The following WDR70 variants were observed in gnomAD, a reference collection of about 807,000 sequenced individuals.
WDR70 encodes the protein WD repeat domain 70, also known as WD repeat-containing protein 70.
Under a neutral mutation model 88.6 loss-of-function variants are expected in WDR70, and 53 were observed. The observed-to-expected ratio is 0.60, with a 90% CI of 0.48 to 0.75. The LOEUF is 0.75. WDR70 is among the 30% of genes least tolerant of loss of function. The pLI, the probability that WDR70 is intolerant of heterozygous loss-of-function variation, is 0.00. For missense variants in WDR70, 610 were observed against 823.2 expected (o/e 0.74, Z 3.17); for synonymous variants, 280 against 270.0 (o/e 1.04, Z -0.36).
intron 9 of WDR70, among the ~76,000 whole-genome samples, chr5:37,577,565 A>C (rs2112418345): frequency 6.6e-6 from 1 of 152,270 alleles, no homozygotes; most frequent in South Asian, 2.1e-4. Context: ...TCCCAGGGAG[A>C]TAATGTTTTA....
In WDR70 at chr5:37,396,637, C is replaced by G; in HGVS notation, c.492+67C>G. 3 of 1,461,346 alleles carry G rather than the reference C, an allele frequency of 2.1e-6. 1 individual carries two copies. The highest frequency in any genetic ancestry group is 2.7e-6 in the Non-Finnish European group (3 of 1,112,834). 90.5% of individuals were successfully genotyped at this position (1,461,346 alleles called of 1,614,324 possible). On this transcript the variant is annotated intron_variant, in intron 5 of 17. Coordinates refer to ENST00000265107, the MANE Select transcript of WDR70 (RefSeq NM_018034.4). ...ATCTTTACTGTAGAGATCAGTTCTG[C>G]TAAACTGTTTTTCATGAGTAAGAGC...
chr5:37,662,974 GT>G (rs2112579089), intron 10 of WDR70, among the ~76,000 whole-genome samples: 1 of 152,290 alleles, frequency 6.6e-6, no homozygotes, highest in East Asian at 1.9e-4. Context: ...CAGAGATTAT[GT>G]TTTACATCTG....
intron 9 of WDR70, among the ~76,000 whole-genome samples, chr5:37,575,835 A>C (rs574865091): frequency 6.6e-6 from 1 of 152,194 alleles, no homozygotes; most frequent in African/African-American, 2.4e-5. Flanking sequence ...CAAACTTGCG[A>C]TTGGCATCTG....
chr5:37,729,909 A>T (rs1360222653), intron 17 of WDR70, among the ~76,000 whole-genome samples: 1 of 151,502 alleles, frequency 6.6e-6, no homozygotes, highest in Non-Finnish European at 1.5e-5. Context: ...TCCCTTTCCT[A>T]TCCACCCCTT....
intron 10 of WDR70, among the ~76,000 whole-genome samples, chr5:37,647,868 T>C (rs904272238): frequency 2.0e-5 from 3 of 152,144 alleles, no homozygotes; most frequent in African/African-American, 7.2e-5. Context: ...GCATTGAGTG[T>C]TTTACATGGC....
chr5:37,739,650 CAT>C (rs554645177), intron 17 of WDR70, among the ~76,000 whole-genome samples: 2 of 151,620 alleles, frequency 1.3e-5, no homozygotes, highest in African/African-American at 2.4e-5. Context: ...ATTTCTTTTT[CAT>C]ATATATATAT....
intron 9 of WDR70, among the ~76,000 whole-genome samples, chr5:37,534,310 A>G (rs1180831618): frequency 6.6e-6 from 1 of 152,186 alleles, no homozygotes; most frequent in Non-Finnish European, 1.5e-5. Flanking sequence ...ATTTAACTGT[A>G]TTAATTCTCT....
intron 8 of WDR70, among the ~76,000 whole-genome samples, chr5:37,486,023 A>G (rs1358645716): frequency 1.3e-5 from 2 of 151,832 alleles, no homozygotes; most frequent in Non-Finnish European, 2.9e-5. Context: ...CCAACAATAT[A>G]TATTAAATAA....
intron 9 of WDR70, among the ~76,000 whole-genome samples, chr5:37,603,030 C>T (rs1221524772): frequency 6.6e-6 from 1 of 151,832 alleles, no homozygotes. Flanking sequence ...ATTCCATGTC[C>T]ATGGATTAGA....
intron 7 of WDR70, among the ~76,000 whole-genome samples, chr5:37,476,743 G>A (rs1189295978): frequency 1.3e-5 from 2 of 152,024 alleles, no homozygotes; most frequent in African/African-American, 4.8e-5. Flanking sequence ...GTAGAGACGG[G>A]GTTTCACCAT....
intron 10 of WDR70, among the ~76,000 whole-genome samples, chr5:37,628,541 C>G (rs1277319787): frequency 6.6e-6 from 1 of 152,170 alleles, no homozygotes; most frequent in Non-Finnish European, 1.5e-5. Flanking sequence ...CTCCTGCTCA[C>G]TTGATTTTCA....
At chr5:37,396,000 T>C (rs571784818) in intron 4 of WDR70, among the ~76,000 whole-genome samples, 179 of 152,266 alleles carry the variant, frequency 1.2e-3, no homozygotes, top group African/African-American at 4.3e-3. Flanking sequence ...GGTCTCGTGA[T>C]GTTTCCCAGG....
intron 11 of WDR70, among the ~76,000 whole-genome samples, chr5:37,698,407 A>G (rs1169588992): frequency 3.3e-5 from 5 of 152,104 alleles, no homozygotes; most frequent in Admixed American, 1.3e-4. Flanking sequence ...CTACAGACCT[A>G]TTTGTGGGGA....
At chr5:37,733,419 A>AGAGT (rs1748210402) in intron 17 of WDR70, among the ~76,000 whole-genome samples, 1 of 152,158 alleles carries the variant, frequency 6.6e-6, no homozygotes, top group Non-Finnish European at 1.5e-5. Context: ...CTACCATAGT[A>AGAGT]GAGTTCTAAT....
At chr5:37,584,793 G>A (rs1420270992) in intron 9 of WDR70, among the ~76,000 whole-genome samples, 6 of 151,680 alleles carry the variant, frequency 4.0e-5, no homozygotes, top group African/African-American at 1.2e-4. Flanking sequence ...GTAAAGGGGT[G>A]GATAGAAGCA....
intron 17 of WDR70, among the ~76,000 whole-genome samples, chr5:37,743,251 C>G (rs2112735328): frequency 6.6e-6 from 1 of 152,328 alleles, no homozygotes; most frequent in Non-Finnish European, 1.5e-5. Flanking sequence ...AACACGCTAT[C>G]CAGCTGGGGA....
At position 37,678,842 on chromosome 5, in the gene WDR70, C is replaced by T. The variant is rs1292918151; in HGVS notation, c.1093-18813C>T. ...TGCAGAGTGTTTTCCAACTTGGTTC[C>T]ATTCTCCCCGTCACTTTCAGGTACA... is the stretch of plus-strand genomic sequence containing the variant. On this transcript the variant is annotated intron_variant, in intron 10 of 17. Transcript: ENST00000265107. Among the ~76,000 whole-genome samples the T allele has an allele frequency of 2.0e-5, 3 of 152,218 alleles. No individual in the cohort carries two copies. The East Asian group carries it at 5.8e-4, about 29-fold the overall frequency.
intron 9 of WDR70, among the ~76,000 whole-genome samples, chr5:37,563,053 C>T (rs866722433): frequency 0.033 from 2,607 of 78,434 alleles, 109 homozygotes; most frequent in African/African-American, 0.11. Flanking sequence ...ACCTCCCGGA[C>T]GGGGCGGCTG....
rs956199494 is a variant in WDR70, at chr5:37,396,392, A to G, written c.314A>G (p.Glu105Gly). ...KSSSRDTSSS[E>G]SEQSSDSSDD... ...ATTTTCAGGGATACGAGCAGCAGTG[A>G]AAGTGAACAGAGTTCTGACTCTTCT... Residue 105 changes from glutamate (E) to glycine (G), a missense_variant, in exon 5 of 18, where the codon GAA becomes GGA. Glu to Gly is a moderately conservative substitution (Grantham distance 98, BLOSUM62 -2). Around this residue, in one of 4 missense-constraint regions of WDR70, gnomAD observed 203 missense variants for 228.1 expected, o/e 0.89. Transcript: ENST00000265107. 13 of 1,611,486 alleles carry G rather than the reference A, an allele frequency of 8.1e-6. No homozygotes were observed. The highest frequency in any genetic ancestry group is 3.3e-4 in the Middle Eastern group (2 of 6,042).
Sources: gnomAD v4.1 joint callset for allele counts (sites outside exome capture counted in the v4.1 genomes callset) on GRCh38, gnomAD v4.1.1 for gene constraint, gnomAD v4.1.1 regional missense constraint, MANE v1.5 for transcripts, NCBI Gene and HGNC (gene_info 2026-07-23, HGNC 2026-07-21) for gene names.